KCNB2: variants seen among roughly 807,000 people sequenced by gnomAD.
The protein encoded by KCNB2 is potassium voltage-gated channel subfamily B member 2.
KCNB2 carries 15 observed loss-of-function variants against 61.5 expected under a neutral mutation model. That is an observed-to-expected ratio of 0.24 (90% CI 0.16 to 0.38). The LOEUF (loss-of-function observed/expected upper bound fraction) is 0.38, where lower values mean the gene tolerates loss of function less well. Ranked by LOEUF, KCNB2 falls within the 10% of genes least tolerant of loss-of-function variation. The probability of loss-of-function intolerance (pLI) is 1.00; values close to 1 mark genes in which losing one functional copy is unlikely to be tolerated. For missense variants in KCNB2, 828 were observed against 1,125.2 expected, an observed-to-expected ratio of 0.74 and a Z score of 3.78; for synonymous variants, 457 against 446.0, an observed-to-expected ratio of 1.02 and a Z score of -0.31.
At position 72,793,462 on chromosome 8, in the gene KCNB2, G is replaced by A. The variant is rs567212397; in HGVS notation, c.580-142473G>A. Among the ~76,000 whole-genome samples, 7 of 152,290 alleles carry A rather than the reference G, an allele frequency of 4.6e-5. No homozygotes were observed. In the South Asian group the frequency reaches 1.5e-3, roughly 32 times the overall value. Reference sequence around the variant, plus strand: ...AATTCCCTAAGCAGGAATGGGCTTAGTGTGCTAAAATACCACGAAGGAAAG... The same window carrying A: ...AATTCCCTAAGCAGGAATGGGCTTAATGTGCTAAAATACCACGAAGGAAAG... On this transcript the variant is annotated intron_variant, in intron 2 of 2. Coordinates refer to ENST00000523207, the MANE Select transcript of KCNB2 (RefSeq NM_004770.3).
At chr8:72,585,667 G>A (rs777948081) in intron 2 of KCNB2, among the ~76,000 whole-genome samples, 52 of 152,046 alleles carry the variant, frequency 3.4e-4, no homozygotes, top group Non-Finnish European at 6.6e-4. Flanking sequence ...GATGCCCAAC[G>A]GATGTTTTCT....
At chr8:72,789,538 G>A (rs919932176) in intron 2 of KCNB2, among the ~76,000 whole-genome samples, 1 of 152,246 alleles carries the variant, frequency 6.6e-6, no homozygotes, top group South Asian at 2.1e-4. Context: ...CAGGCATGCA[G>A]GAAGACAAAG....
chr8:72,729,241 T>C (rs1029278348), intron 2 of KCNB2, among the ~76,000 whole-genome samples: 10 of 152,226 alleles, frequency 6.6e-5, no homozygotes, highest in Non-Finnish European at 1.2e-4. Flanking sequence ...GTCCATTGAC[T>C]TTGCATATTG....
intron 2 of KCNB2, among the ~76,000 whole-genome samples, chr8:72,596,927 C>A (rs184653186): frequency 1.1e-4 from 17 of 149,332 alleles, no homozygotes; most frequent in Admixed American, 1.1e-3. Context: ...ATGTTATTGC[C>A]TCTGCTATTG....
intron 2 of KCNB2, among the ~76,000 whole-genome samples, chr8:72,691,414 C>A (rs1563560891): frequency 6.6e-6 from 1 of 152,216 alleles, no homozygotes; most frequent in East Asian, 1.9e-4. Context: ...CTCCTTCCAG[C>A]TGATACCAGT....
At chr8:72,691,651 A>G (rs1333688012) in intron 2 of KCNB2, among the ~76,000 whole-genome samples, 12 of 152,212 alleles carry the variant, frequency 7.9e-5, no homozygotes, top group Non-Finnish European at 1.5e-4. Context: ...AGAACCTGGC[A>G]GTTTCTTGAC....
chr8:72,679,826 A>T (rs1414640284), intron 2 of KCNB2, among the ~76,000 whole-genome samples: 2 of 152,108 alleles, frequency 1.3e-5, no homozygotes, highest in Non-Finnish European at 2.9e-5. Flanking sequence ...GTTAGATGTG[A>T]CTCTAGCAAC....
At chr8:72,672,112 CA>C (rs1330863835) in intron 2 of KCNB2, among the ~76,000 whole-genome samples, 1 of 152,170 alleles carries the variant, frequency 6.6e-6, no homozygotes, top group Non-Finnish European at 1.5e-5. Flanking sequence ...AAGGAAGTGA[CA>C]ATTCATTCAA....
rs528000777 is a variant in KCNB2 at position 72,800,865 on chromosome 8, C to T, written c.580-135070C>T. Among the ~76,000 whole-genome samples, 236 of 152,270 alleles carry T rather than the reference C, an allele frequency of 1.5e-3. 1 individual carries two copies. Among genetic ancestry groups the T allele is most frequent in the Admixed American group, 3.9e-3 (60 of 15,292 alleles). On this transcript the variant is annotated intron_variant, in intron 2 of 2. Coordinates refer to ENST00000523207, the MANE Select transcript of KCNB2 (RefSeq NM_004770.3). ...TGGCTCTTAAAGTGGTAGAGTTTGGCTTCCAATAAGAAGAATACCAACTAA... is the reference window on the plus strand; with the variant it reads ...TGGCTCTTAAAGTGGTAGAGTTTGGTTTCCAATAAGAAGAATACCAACTAA...
intron 1 of KCNB2, among the ~76,000 whole-genome samples, chr8:72,555,743 TTTTTATTTTA>T (rs149402399): frequency 4.6e-5 from 7 of 151,688 alleles, no homozygotes; most frequent in East Asian, 2.0e-4. Context: ...TTGGATTTTC[TTTTTATTTTA>T]TTTTATTTTA....
At chr8:72,705,730 A>G (rs750488450) in intron 2 of KCNB2, among the ~76,000 whole-genome samples, 7 of 152,214 alleles carry the variant, frequency 4.6e-5, no homozygotes, top group Non-Finnish European at 1.0e-4. Context: ...ATGGGTGTCC[A>G]TGGATCTTAA....
intron 2 of KCNB2, among the ~76,000 whole-genome samples, chr8:72,795,104 G>C (rs1017624052): frequency 3.3e-5 from 5 of 152,134 alleles, no homozygotes; most frequent in African/African-American, 1.2e-4. Flanking sequence ...GTGTGGGATC[G>C]GTACAAGATC....
At chr8:72,672,782 C>G (rs925192629) in intron 2 of KCNB2, among the ~76,000 whole-genome samples, 14 of 152,236 alleles carry the variant, frequency 9.2e-5, no homozygotes, top group Admixed American at 7.2e-4. Flanking sequence ...AAGTGAGGAT[C>G]TCATGACCAT....
chr8:72,828,955 T>C (rs1237659685), intron 2 of KCNB2, among the ~76,000 whole-genome samples: 1 of 152,196 alleles, frequency 6.6e-6, no homozygotes, highest in Non-Finnish European at 1.5e-5. Flanking sequence ...CCTGTGTGCA[T>C]TTATGATCTC....
chr8:72,714,072 G>A (rs574731626), intron 2 of KCNB2, among the ~76,000 whole-genome samples: 156 of 152,258 alleles, frequency 1.0e-3, no homozygotes, highest in Non-Finnish European at 1.6e-3. Flanking sequence ...AATGGAAGAC[G>A]AAATGAATGA....
intron 1 of KCNB2, among the ~76,000 whole-genome samples, chr8:72,542,726 A>G (rs540847129): frequency 6.6e-6 from 1 of 152,238 alleles, no homozygotes; most frequent in East Asian, 1.9e-4. Flanking sequence ...TGGCAGAATG[A>G]AGGAAGCGAT....
intron 2 of KCNB2, among the ~76,000 whole-genome samples, chr8:72,790,981 C>T (rs1347643068): frequency 6.6e-6 from 1 of 152,062 alleles, no homozygotes; most frequent in African/African-American, 2.4e-5. Context: ...AAGAAAACAA[C>T]CTATGTGAGC....
chr8:72,710,331 A>T (rs1471302736), intron 2 of KCNB2, among the ~76,000 whole-genome samples: 1 of 152,180 alleles, frequency 6.6e-6, no homozygotes, highest in Non-Finnish European at 1.5e-5. Context: ...TTTATTTCTC[A>T]TATATCATCT....
chr8:72,762,172 C>T (rs1808393368), intron 2 of KCNB2, among the ~76,000 whole-genome samples: 1 of 152,200 alleles, frequency 6.6e-6, no homozygotes. Context: ...ATTAGAAACC[C>T]ATTTCAAGTT....
Sources: allele counts gnomAD v4.1 joint callset (sites outside exome capture counted in the v4.1 genomes callset), GRCh38; gene constraint gnomAD v4.1.1; transcripts MANE v1.5; gene names NCBI Gene and HGNC (gene_info 2026-07-23, HGNC 2026-07-21).